NAALADL2: variants seen among roughly 807,000 people sequenced by gnomAD.
NAALADL2 encodes N-acetylated alpha-linked acidic dipeptidase like 2.
In NAALADL2, 76 loss-of-function variants were observed where a neutral mutation model predicts 87.2. The ratio of observed to expected loss-of-function variants is 0.87; its 90% CI spans 0.72 to 1.05. The LOEUF (loss-of-function observed/expected upper bound fraction) is 1.05. Ranked by LOEUF, NAALADL2 falls within the 50% of genes least tolerant of loss-of-function variation. The pLI is 0.00. For missense variants in NAALADL2, 1,089 were observed against 945.8 expected, an observed-to-expected ratio of 1.15 and a Z score of -1.99; for synonymous variants, 354 against 331.0, an observed-to-expected ratio of 1.07 and a Z score of -0.75.
At chr3:174,735,021 A>G (rs574161045) in intron 2 of NAALADL2, among the ~76,000 whole-genome samples, 1 of 152,206 alleles carries the variant, frequency 6.6e-6, no homozygotes, top group African/African-American at 2.4e-5. Context: ...GAAGGAAATA[A>G]TAGCTTATTT....
intron 5 of NAALADL2, among the ~76,000 whole-genome samples, chr3:175,401,389 A>G (rs1770546184): frequency 6.6e-6 from 1 of 152,140 alleles, no homozygotes; most frequent in Admixed American, 6.6e-5. Flanking sequence ...TCACAATAAA[A>G]AAAAGTCAAA....
intron 13 of NAALADL2, 124 bp from the exon 14 acceptor site, chr3:175,802,878 ATAT>A (rs1229224749): frequency 1.5e-4 from 73 of 498,990 alleles, no homozygotes; most frequent in Non-Finnish European, 1.9e-4. Flanking sequence ...AAAAATCGTG[ATAT>A]TATATTTTTA....
At chr3:175,054,925 C>A (rs998741498) in intron 1 of NAALADL2, among the ~76,000 whole-genome samples, 1 of 152,110 alleles carries the variant, frequency 6.6e-6, no homozygotes, top group African/African-American at 2.4e-5. Context: ...TGAATAGTTC[C>A]AGGTTGTCCA....
chr3:175,468,023 T>C (rs1337283525), intron 8 of NAALADL2, among the ~76,000 whole-genome samples: 1 of 152,084 alleles, frequency 6.6e-6, no homozygotes, highest in Non-Finnish European at 1.5e-5. Context: ...ATACTGTAGT[T>C]TTTTCACTAC....
intron 5 of NAALADL2, among the ~76,000 whole-genome samples, chr3:175,379,500 G>C (rs781554775): frequency 6.0e-5 from 9 of 150,254 alleles, no homozygotes; most frequent in Non-Finnish European, 1.2e-4. Flanking sequence ...ATGGTTTCTG[G>C]TAACAGTTGT....
chr3:175,091,416 T>C (rs1720097177), intron 1 of NAALADL2, among the ~76,000 whole-genome samples: 1 of 152,102 alleles, frequency 6.6e-6, no homozygotes, highest in Non-Finnish European at 1.5e-5. Flanking sequence ...AAAGATTTAA[T>C]CATGGATTGT....
chr3:175,258,324 C>CACAAA (rs1560245900), intron 4 of NAALADL2, among the ~76,000 whole-genome samples: 2 of 100,710 alleles, frequency 2.0e-5, no homozygotes, highest in Non-Finnish European at 4.3e-5. Flanking sequence ...CCCCCACCAC[C>CACAAA]AAAAAAAAAA....
At chr3:174,488,833 C>T (rs1718016060) in intron 1 of NAALADL2, among the ~76,000 whole-genome samples, 1 of 152,002 alleles carries the variant, frequency 6.6e-6, no homozygotes, top group Admixed American at 6.6e-5. Context: ...GACACCCCCC[C>T]TAACCTTTGG....
chr3:174,508,167 G>T (rs1449651510), intron 1 of NAALADL2, among the ~76,000 whole-genome samples: 1 of 124,912 alleles, frequency 8.0e-6, no homozygotes, highest in Non-Finnish European at 1.6e-5. Context: ...AGGCTGGACT[G>T]CAGTGGCACG....
intron 2 of NAALADL2, among the ~76,000 whole-genome samples, chr3:174,565,958 C>T (rs1413780686): frequency 1.3e-5 from 2 of 151,846 alleles, no homozygotes; most frequent in African/African-American, 4.8e-5. Flanking sequence ...TTGTCTATGT[C>T]TTGTTTATCT....
At chr3:175,797,628 A>G (rs954008176) in intron 13 of NAALADL2, among the ~76,000 whole-genome samples, 17 of 152,072 alleles carry the variant, frequency 1.1e-4, no homozygotes, top group Admixed American at 5.9e-4. Flanking sequence ...GCTATTGGTC[A>G]GTTCCTAGTC....
intron 3 of NAALADL2, among the ~76,000 whole-genome samples, chr3:174,808,265 A>G (rs1719734803): frequency 6.6e-6 from 1 of 152,118 alleles, no homozygotes. Flanking sequence ...ATTGAAGTCT[A>G]AAAACATATT....
At chr3:175,278,089 G>A (rs539919567) in intron 4 of NAALADL2, among the ~76,000 whole-genome samples, 9 of 152,200 alleles carry the variant, frequency 5.9e-5, no homozygotes, top group Non-Finnish European at 1.0e-4. Flanking sequence ...TCGCGCCACC[G>A]CACTCCAGCC....
At chr3:175,801,425 T>C (rs567676392) in intron 13 of NAALADL2, among the ~76,000 whole-genome samples, 1 of 152,226 alleles carries the variant, frequency 6.6e-6, no homozygotes, top group African/African-American at 2.4e-5. Context: ...CCCTATACTC[T>C]GATCTTACAA....
chr3:174,694,154 G>A (rs1728824489), intron 2 of NAALADL2, among the ~76,000 whole-genome samples: 1 of 151,962 alleles, frequency 6.6e-6, no homozygotes, highest in Non-Finnish European at 1.5e-5. Context: ...ACTCTCTTTT[G>A]CCATACATTT....
chr3:174,645,075 C>G (rs1408101194), intron 2 of NAALADL2, among the ~76,000 whole-genome samples: 1 of 152,074 alleles, frequency 6.6e-6, no homozygotes, highest in South Asian at 2.1e-4. Context: ...AAGGGCAGCC[C>G]TTGGCCATTT....
chr3:175,115,501 C>T (rs200619488), intron 2 of NAALADL2, among the ~76,000 whole-genome samples: 2 of 151,136 alleles, frequency 1.3e-5, no homozygotes, highest in East Asian at 2.0e-4. Flanking sequence ...TAGCAGATAA[C>T]GTGTATCCTA....
intron 9 of NAALADL2, among the ~76,000 whole-genome samples, chr3:175,488,823 A>T (rs1255440088): frequency 6.6e-6 from 1 of 152,232 alleles, no homozygotes; most frequent in Non-Finnish European, 1.5e-5. Flanking sequence ...CCCCGGCTTG[A>T]CTAGAAGAGG....
chr3:175,226,153 A>G (rs1179249478), intron 2 of NAALADL2, among the ~76,000 whole-genome samples: 1 of 152,088 alleles, frequency 6.6e-6, no homozygotes, highest in Non-Finnish European at 1.5e-5. Context: ...GCAGGCAGAT[A>G]TGTACCATAT....
Sources: allele counts gnomAD v4.1 joint callset (sites outside exome capture counted in the v4.1 genomes callset), GRCh38; gene constraint gnomAD v4.1.1; transcripts MANE v1.5; gene names NCBI Gene and HGNC (gene_info 2026-07-23, HGNC 2026-07-21).